Variants in NCALD observed in about 807,000 individuals in gnomAD.
NCALD encodes the protein neurocalcin-delta.
A neutral mutation model predicts 18.6 loss-of-function variants in NCALD; 10 were observed. The ratio of observed to expected loss-of-function variants is 0.54; its 90% CI spans 0.33 to 0.91. The LOEUF (loss-of-function observed/expected upper bound fraction) is 0.91, where lower values mean the gene tolerates loss of function less well. Among genes scored for constraint, NCALD ranks in the 40% least tolerant of loss-of-function variants. The pLI is 0.03. For synonymous variants in NCALD, 88 were observed against 87.4 expected (o/e 1.01, Z -0.04); for missense variants, 184 against 247.6 (o/e 0.74, Z 1.72).
chr8:101,938,691 C>T (rs767769103), intron 2 of NCALD, among the ~76,000 whole-genome samples: 5 of 151,788 alleles, frequency 3.3e-5, no homozygotes, highest in Non-Finnish European at 5.9e-5. Flanking sequence ...TAGAAAGATG[C>T]AACAAATAAT....
At chr8:102,029,447 G>A (rs187123235) in intron 1 of NCALD, among the ~76,000 whole-genome samples, 56 of 152,248 alleles carry the variant, frequency 3.7e-4, no homozygotes, top group Non-Finnish European at 6.6e-4. Context: ...AGTGAAAATC[G>A]ATATTACCTA....
chr8:101,689,484 G>T lies in NCALD; in HGVS notation c.485-78C>A, dbSNP rs192756935. On this transcript the variant is annotated intron_variant, in intron 3 of 3. Coordinates refer to ENST00000220931, the MANE Select transcript of NCALD (RefSeq NM_032041.3). The surrounding 1 kb of genome is among the most constrained non-coding windows in gnomAD (Gnocchi z 4.4). ...ACACCCTTCCCACTACTGCGTGCTG[G>T]GCAGTGTCGATTCACCTGCCTGCAG... 1 of 1,153,918 alleles carries T rather than the reference G, an allele frequency of 8.7e-7. No individual in the cohort carries two copies. Among genetic ancestry groups the T allele is most frequent in the Non-Finnish European group, 1.3e-6 (1 of 794,754 alleles). 71.5% of individuals were successfully genotyped at this position (1,153,918 alleles called of 1,614,324 possible). A position where few individuals can be genotyped will look rare whatever the true frequency, so the allele number is the denominator to read the frequency against.
chr8:101,764,408 C>T (rs937208758), intron 1 of NCALD, among the ~76,000 whole-genome samples: 1 of 152,160 alleles, frequency 6.6e-6, no homozygotes, highest in African/African-American at 2.4e-5. Context: ...TGCTGTTGGT[C>T]ACTGCCACTG....
intron 2 of NCALD, among the ~76,000 whole-genome samples, chr8:101,709,326 C>T (rs937085166): frequency 6.6e-6 from 1 of 152,184 alleles, no homozygotes; most frequent in East Asian, 1.9e-4. Context: ...CTCTATTTTC[C>T]TGCCTCACCC....
At chr8:101,732,669 T>C (rs1269817299) in intron 1 of NCALD, among the ~76,000 whole-genome samples, 1 of 130,222 alleles carries the variant, frequency 7.7e-6, no homozygotes, top group Non-Finnish European at 1.6e-5. Flanking sequence ...AGTGGCACGA[T>C]CTCAGCTCAC....
chr8:101,849,779 C>A (rs1015184971), intron 4 of NCALD, among the ~76,000 whole-genome samples: 2 of 152,150 alleles, frequency 1.3e-5, no homozygotes, highest in African/African-American at 4.8e-5. Context: ...GCGCTAACTT[C>A]TTTTATCTTT....
chr8:102,120,602 T>C (rs527493), intron 1 of NCALD, among the ~76,000 whole-genome samples: 38,483 of 152,120 alleles, frequency 0.25, 5,244 homozygotes, highest in East Asian at 0.46. Flanking sequence ...CTAACAATGT[T>C]TGAGGCCTGA....
intron 1 of NCALD, chr8:102,029,182 C>T (rs1822572531): frequency 6.6e-6 from 1 of 152,030 alleles, no homozygotes; most frequent in African/African-American, 2.4e-5. Flanking sequence ...TAGGGTGTAC[C>T]AGGAAGTGGA....
chr8:101,887,483 C>T (rs1204660470), intron 3 of NCALD, among the ~76,000 whole-genome samples: 1 of 152,096 alleles, frequency 6.6e-6, no homozygotes, highest in South Asian at 2.1e-4. Context: ...TCTCACAGTC[C>T]ACTTCTCTGG....
chr8:101,760,639 A>G (rs936258280), intron 1 of NCALD, among the ~76,000 whole-genome samples: 7 of 152,216 alleles, frequency 4.6e-5, no homozygotes, highest in African/African-American at 1.7e-4. Flanking sequence ...TGTCAAGTCC[A>G]TACAGCAACT....
intron 4 of NCALD, among the ~76,000 whole-genome samples, chr8:101,825,527 C>T (rs1721103897): frequency 6.6e-6 from 1 of 152,210 alleles, no homozygotes; most frequent in South Asian, 2.1e-4. Context: ...CCTGCAGTAG[C>T]TCAAGAGCAA....
intron 2 of NCALD, among the ~76,000 whole-genome samples, chr8:101,987,239 C>G (rs1820847384): frequency 6.6e-6 from 1 of 152,200 alleles, no homozygotes; most frequent in African/African-American, 2.4e-5. Context: ...ACATGCACTC[C>G]TCTTTGAAGG....
chr8:101,922,737 C>T (rs932970460), intron 2 of NCALD, among the ~76,000 whole-genome samples: 7 of 152,094 alleles, frequency 4.6e-5, no homozygotes, highest in Non-Finnish European at 1.0e-4. Context: ...TGCCTAAAAC[C>T]TCAAATAGTA....
rs775629637 is a variant in NCALD, at chr8:101,688,682, A to G, written c.*627T>C. 6.4e-6 allele frequency: 3 copies of G among 469,482 alleles called. No individual in the cohort carries two copies. Among genetic ancestry groups the G allele is most frequent in the South Asian group, 4.6e-5 (3 of 64,692 alleles). The allele number at this position is 469,482 out of a possible 1,614,324, so 29.1% of individuals were successfully genotyped here. On this transcript the variant is annotated 3_prime_UTR_variant, in exon 4 of 4. Transcript: ENST00000220931. ...ACACGCATATTAGCTCAACTAGTGTAAACCTGTGAAAAAATAGCTGAGCCA... is the reference window on the plus strand; with the variant it reads ...ACACGCATATTAGCTCAACTAGTGTGAACCTGTGAAAAAATAGCTGAGCCA...
At chr8:101,942,528 G>T (rs781084894) in intron 2 of NCALD, among the ~76,000 whole-genome samples, 6 of 152,098 alleles carry the variant, frequency 3.9e-5, no homozygotes, top group Non-Finnish European at 5.9e-5. Context: ...GGCATGTTGG[G>T]CAATAACAAA....
chr8:101,955,296 A>G (rs545472698), intron 2 of NCALD, among the ~76,000 whole-genome samples: 1 of 152,338 alleles, frequency 6.6e-6, no homozygotes, highest in East Asian at 1.9e-4. Context: ...TGCCTTCCAG[A>G]GAGTCCACTA....
At chr8:101,969,118 C>G (rs1820142156) in intron 2 of NCALD, among the ~76,000 whole-genome samples, 1 of 152,212 alleles carries the variant, frequency 6.6e-6, no homozygotes, top group African/African-American at 2.4e-5. Flanking sequence ...GCCGAGCACA[C>G]CACCTGTCTC....
intron 1 of NCALD, among the ~76,000 whole-genome samples, chr8:102,106,104 C>T (rs1825437622): frequency 6.6e-6 from 1 of 151,282 alleles, no homozygotes; most frequent in Non-Finnish European, 1.5e-5. Context: ...GAGTTTCACG[C>T]TGTCAACCAG....
intron 2 of NCALD, among the ~76,000 whole-genome samples, chr8:101,984,014 G>C (rs1482734112): frequency 6.6e-6 from 1 of 152,152 alleles, no homozygotes; most frequent in African/African-American, 2.4e-5. Context: ...TCACCTGCTC[G>C]AATATGCTAT....
Sources: gnomAD v4.1 joint callset for allele counts (sites outside exome capture counted in the v4.1 genomes callset) on GRCh38, gnomAD v4.1.1 for gene constraint, Gnocchi (gnomAD v3.1) non-coding constraint, MANE v1.5 for transcripts, NCBI Gene and HGNC (gene_info 2026-07-23, HGNC 2026-07-21) for gene names.